The following SLC14A2 variants were observed in gnomAD, a reference collection of about 807,000 sequenced individuals.
SLC14A2 encodes the protein urea transporter 2.
SLC14A2 carries 91 observed loss-of-function variants against 104.6 expected under a neutral mutation model. The ratio of observed to expected loss-of-function variants is 0.87; its 90% CI spans 0.73 to 1.04. The LOEUF (loss-of-function observed/expected upper bound fraction) is 1.04, where lower values mean the gene tolerates loss of function less well. Ranked by LOEUF, SLC14A2 falls within the 50% of genes least tolerant of loss-of-function variation. The pLI is 0.00. For synonymous variants in SLC14A2, 476 were observed against 466.4 expected (o/e 1.02, Z -0.27); for missense variants, 1,189 against 1,156.0 (o/e 1.03, Z -0.41).
intron 1 of SLC14A2, among the ~76,000 whole-genome samples, chr18:45,478,785 AAAAAG>A (rs2087434958): frequency 6.6e-6 from 1 of 152,316 alleles, no homozygotes; most frequent in South Asian, 2.1e-4. Flanking sequence ...CCAGAAAAAA[AAAAAG>A]AGATTGTCAG....
At chr18:45,174,488 GA>G in the SLC14A2 span, among the ~76,000 whole-genome samples, 21 of 152,148 alleles carry the variant, frequency 1.4e-4, 1 homozygote, top group African/African-American at 5.1e-4. Flanking sequence ...TCAGAACTGG[GA>G]AGAAATGAAA....
chr18:45,299,535 T>C (rs1205398339), intron 1 of SLC14A2, among the ~76,000 whole-genome samples: 1 of 151,990 alleles, frequency 6.6e-6, no homozygotes, highest in African/African-American at 2.4e-5. Context: ...AATCTCAGCT[T>C]ACTTCAACCT....
At chr18:45,553,153 CT>C (rs2144288250) in intron 2 of SLC14A2, among the ~76,000 whole-genome samples, 1 of 152,320 alleles carries the variant, frequency 6.6e-6, no homozygotes, top group East Asian at 1.9e-4. Context: ...ACTTCCCAGC[CT>C]AATAACAGTT....
At chr18:45,475,652 T>TATATATATATATATATATTTAGG (rs1568227919) in intron 1 of SLC14A2, among the ~76,000 whole-genome samples, 16 of 41,034 alleles carry the variant, frequency 3.9e-4, no homozygotes, top group African/African-American at 2.4e-3. Flanking sequence ...GATATATATA[T>TATATATATATATATATATTTAGG]ATATATATAT....
chr18:45,507,908 C>G (rs1476173637), intron 2 of SLC14A2, among the ~76,000 whole-genome samples: 2 of 152,100 alleles, frequency 1.3e-5, no homozygotes, highest in Non-Finnish European at 2.9e-5. Context: ...TAAGAAGAAC[C>G]AACTAGAAAA....
At chr18:45,610,155 T>C (rs2044948876) in intron 2 of SLC14A2, among the ~76,000 whole-genome samples, 1 of 152,142 alleles carries the variant, frequency 6.6e-6, no homozygotes, top group African/African-American at 2.4e-5. Flanking sequence ...GAGAAGCCTG[T>C]GTGCAGACCT....
intron 6 of SLC14A2, among the ~76,000 whole-genome samples, chr18:45,639,017 C>T (rs1456815443): frequency 6.6e-6 from 1 of 152,230 alleles, no homozygotes; most frequent in African/African-American, 2.4e-5. Context: ...CAAATTCTCC[C>T]CAATTCCAGC....
upstream of SLC14A2, among the ~76,000 whole-genome samples, chr18:45,208,076 A>C (rs1202719498): frequency 6.6e-6 from 1 of 152,204 alleles, no homozygotes; most frequent in Non-Finnish European, 1.5e-5. Flanking sequence ...CTCTGCCTTC[A>C]CATCCATTGA....
At chr18:45,241,870 C>T (rs1223481791) in intron 1 of SLC14A2, among the ~76,000 whole-genome samples, 3 of 151,716 alleles carry the variant, frequency 2.0e-5, no homozygotes, top group Admixed American at 6.6e-5. Context: ...CTCGAACTCC[C>T]GACCTCAGGT....
chr18:45,625,973 G>A lies in SLC14A2; in HGVS notation c.331+110G>A. 8.2e-6 allele frequency: 7 copies of A among 849,988 alleles called. No homozygotes were observed. In the South Asian group the frequency reaches 1.4e-4, roughly 17 times the overall value. 52.7% of individuals were successfully genotyped at this position (849,988 alleles called of 1,614,324 possible). On this transcript the variant is annotated intron_variant, in intron 3 of 19. Coordinates refer to ENST00000255226, the MANE Select transcript of SLC14A2 (RefSeq NM_007163.4). ...CCTCACTCATTCACCCTCACCCTGG[G>A]TGGATCTGCCCAGGACTGGACCTCA...
At chr18:45,456,007 A>T (rs1421784927) in intron 1 of SLC14A2, among the ~76,000 whole-genome samples, 1 of 152,124 alleles carries the variant, frequency 6.6e-6, no homozygotes, top group Non-Finnish European at 1.5e-5. Flanking sequence ...TTAGTTCTAG[A>T]CCAGTTAATA....
intron 1 of SLC14A2, among the ~76,000 whole-genome samples, chr18:45,312,873 G>T (rs1386643623): frequency 1.3e-5 from 2 of 152,228 alleles, no homozygotes; most frequent in East Asian, 3.8e-4. Context: ...GCAGACCACA[G>T]AGGGGCGGGG....
At chr18:45,199,766 A>T in the SLC14A2 span, among the ~76,000 whole-genome samples, 1 of 152,162 alleles carries the variant, frequency 6.6e-6, no homozygotes, top group Admixed American at 6.6e-5. Context: ...GCTAAGCTGA[A>T]GTCTTCCTTT....
chr18:45,588,598 G>A (rs1454720580), intron 2 of SLC14A2, among the ~76,000 whole-genome samples: 2 of 152,196 alleles, frequency 1.3e-5, no homozygotes, highest in African/African-American at 4.8e-5. Context: ...GCCAGAGGGT[G>A]TTACTAAAAC....
At chr18:45,631,392 A>AG (rs2144523802) in intron 4 of SLC14A2, among the ~76,000 whole-genome samples, 1 of 152,352 alleles carries the variant, frequency 6.6e-6, no homozygotes, top group African/African-American at 2.4e-5. Context: ...CACCCGGCAG[A>AG]GCAATTAGAA....
At chr18:45,307,179 G>A (rs2085030989) in intron 1 of SLC14A2, among the ~76,000 whole-genome samples, 1 of 152,020 alleles carries the variant, frequency 6.6e-6, no homozygotes, top group Admixed American at 6.6e-5. Context: ...CACTTTGGGA[G>A]GCCAAGGCGG....
At chr18:45,252,627 C>A (rs1197212934) in intron 1 of SLC14A2, among the ~76,000 whole-genome samples, 1 of 152,202 alleles carries the variant, frequency 6.6e-6, no homozygotes, top group African/African-American at 2.4e-5. Flanking sequence ...GGATCAGGAG[C>A]TGTCTGCTGA....
chr18:45,242,592 G>A (rs926788315), intron 1 of SLC14A2, among the ~76,000 whole-genome samples: 3 of 152,156 alleles, frequency 2.0e-5, no homozygotes, highest in African/African-American at 7.2e-5. Flanking sequence ...GGGGCCCTGT[G>A]TCTTTCTTAT....
At chr18:45,186,038 T>A in the SLC14A2 span, among the ~76,000 whole-genome samples, 19,151 of 152,228 alleles carry the variant, frequency 0.13, 1,312 homozygotes, top group African/African-American at 0.18. Context: ...TGTTAAGATG[T>A]CAATTATTTT....
Sources: gnomAD v4.1 joint callset for allele counts (sites outside exome capture counted in the v4.1 genomes callset) on GRCh38, gnomAD v4.1.1 for gene constraint, MANE v1.5 for transcripts, NCBI Gene and HGNC (gene_info 2026-07-23, HGNC 2026-07-21) for gene names.